The following SCN8A variants were observed in gnomAD, a reference collection of about 807,000 sequenced individuals.
The protein encoded by SCN8A is sodium channel protein type 8 subunit alpha.
A neutral mutation model predicts 184.1 loss-of-function variants in SCN8A; 30 were observed. The ratio of observed to expected loss-of-function variants is 0.16; its 90% CI spans 0.12 to 0.22. The LOEUF is 0.22. Among genes scored for constraint, SCN8A ranks in the 10% least tolerant of loss-of-function variants. The pLI is 1.00. For missense variants in SCN8A, 1,057 were observed against 2,498.9 expected, an observed-to-expected ratio of 0.42 and a Z score of 12.30; for synonymous variants, 852 against 907.0, an observed-to-expected ratio of 0.94 and a Z score of 1.09.
chr12:51,742,432 C>T (rs530693359), intron 12 of SCN8A, among the ~76,000 whole-genome samples: 146 of 152,216 alleles, frequency 9.6e-4, no homozygotes, highest in Non-Finnish European at 1.5e-3. Flanking sequence ...CTTTATTTCT[C>T]CTTCATGCTT....
intron 1 of SCN8A, among the ~76,000 whole-genome samples, chr12:51,610,515 C>T (rs1317267234): frequency 6.6e-6 from 1 of 152,072 alleles, no homozygotes; most frequent in Non-Finnish European, 1.5e-5. Context: ...TAAAGTGGTT[C>T]TCTTTTAATG....
At chr12:51,715,215 T>A (rs1382220871) in intron 11 of SCN8A, among the ~76,000 whole-genome samples, 2 of 152,128 alleles carry the variant, frequency 1.3e-5, no homozygotes, top group Non-Finnish European at 2.9e-5. Context: ...ATAGAACAGT[T>A]TTTCCTCATA....
chr12:51,716,783 G>C (rs1360221053), intron 11 of SCN8A, among the ~76,000 whole-genome samples: 3 of 152,180 alleles, frequency 2.0e-5, no homozygotes, highest in Non-Finnish European at 4.4e-5. Context: ...ACCTGGGCTT[G>C]TACGCTGAAC....
intron 26 of SCN8A, among the ~76,000 whole-genome samples, chr12:51,795,576 A>C (rs1195554610): frequency 6.6e-6 from 1 of 152,202 alleles, no homozygotes; most frequent in Admixed American, 6.5e-5. Flanking sequence ...GCCACCCTCT[A>C]GTTCTGTCCT....
chr12:51,745,228 C>T (rs1942490985), intron 12 of SCN8A, among the ~76,000 whole-genome samples: 1 of 152,102 alleles, frequency 6.6e-6, no homozygotes, highest in African/African-American at 2.4e-5. Flanking sequence ...TTGAACATTG[C>T]AGGTTAACTC....
chr12:51,755,225 G>T (rs551794363), intron 14 of SCN8A, among the ~76,000 whole-genome samples: 11 of 152,154 alleles, frequency 7.2e-5, no homozygotes, highest in Non-Finnish European at 1.3e-4. Flanking sequence ...CATTTGAAAC[G>T]ATTTAAATTT....
At chr12:51,623,588 A>G (rs1273290038) in intron 1 of SCN8A, among the ~76,000 whole-genome samples, 1 of 152,328 alleles carries the variant, frequency 6.6e-6, no homozygotes, top group African/African-American at 2.4e-5. Context: ...TCATTAGCCT[A>G]TAGTTGTCAG....
chr12:51,761,880 C>T (rs1173683127), intron 14 of SCN8A, among the ~76,000 whole-genome samples: 1 of 151,232 alleles, frequency 6.6e-6, no homozygotes, highest in Non-Finnish European at 1.5e-5. Flanking sequence ...AAAATCAGAC[C>T]CAAGATATTA....
At chr12:51,717,023 C>T (rs1017964204) in intron 11 of SCN8A, among the ~76,000 whole-genome samples, 2 of 152,212 alleles carry the variant, frequency 1.3e-5, no homozygotes, top group Non-Finnish European at 2.9e-5. Flanking sequence ...CTCAGACTTA[C>T]CTATCCTGCC....
At chr12:51,777,600 A>C (rs549263626) in intron 20 of SCN8A, among the ~76,000 whole-genome samples, 4 of 152,344 alleles carry the variant, frequency 2.6e-5, no homozygotes, top group Middle Eastern at 6.8e-3. Context: ...AGAATAACCC[A>C]GATAAGACCC....
At chr12:51,742,927 T>G (rs1260171337) in intron 12 of SCN8A, among the ~76,000 whole-genome samples, 1 of 152,200 alleles carries the variant, frequency 6.6e-6, no homozygotes, top group African/African-American at 2.4e-5. Flanking sequence ...CCTCTGAGTA[T>G]TTTCAAATAG....
At chr12:51,701,228 T>C (rs1371912891) in intron 8 of SCN8A, 21 bp downstream of exon 8, 2 of 1,521,606 alleles carry the variant, frequency 1.3e-6, no homozygotes, top group Middle Eastern at 1.7e-4. Flanking sequence ...CACCTAGTTT[T>C]ATTCTCTTTC....
chr12:51,674,375 C>G (rs758311691), intron 2 of SCN8A, among the ~76,000 whole-genome samples: 1 of 152,068 alleles, frequency 6.6e-6, no homozygotes, highest in Non-Finnish European at 1.5e-5. Flanking sequence ...TTCTGTCACC[C>G]AGGCTGGAGT....
At chr12:51,720,971 G>T (rs1182789057) in intron 11 of SCN8A, among the ~76,000 whole-genome samples, 2 of 150,860 alleles carry the variant, frequency 1.3e-5, no homozygotes, top group Non-Finnish European at 3.0e-5. Context: ...GGAGGCTGAG[G>T]CAGGAGAAGC....
chr12:51,686,257 A>G, intron 3 of SCN8A, 111 bp from the exon 4 acceptor site: 1 of 704,504 alleles, frequency 1.4e-6, no homozygotes, highest in East Asian at 2.7e-5. Flanking sequence ...TCTGTGCTTC[A>G]TCTCCTTTCA....
chr12:51,634,156 G>A (rs775703835), intron 1 of SCN8A, among the ~76,000 whole-genome samples: 12 of 152,154 alleles, frequency 7.9e-5, no homozygotes, highest in Non-Finnish European at 1.6e-4. Flanking sequence ...AGAAATAAAT[G>A]TCAAACATAA....
chr12:51,696,135 A>G lies in SCN8A; in HGVS notation c.707-3435A>G, dbSNP rs567908240. 1.9e-3 allele frequency among the ~76,000 whole-genome samples: 283 copies of G among 152,330 alleles called. No homozygotes were observed. In the Middle Eastern group the frequency reaches 0.024, roughly 13 times the overall value. ...TTACAGCTCATTTCTCAATTCAGTAAAATAGCAATGGTAAAGTCCTTTAAC... is the reference window on the plus strand; with the variant it reads ...TTACAGCTCATTTCTCAATTCAGTAGAATAGCAATGGTAAAGTCCTTTAAC... On this transcript the variant is annotated intron_variant, in intron 6 of 26. Coordinates refer to ENST00000627620, the MANE Select transcript of SCN8A (RefSeq NM_001330260.2).
At chr12:51,799,426 C>G (rs1938495919) in intron 26 of SCN8A, among the ~76,000 whole-genome samples, 1 of 152,146 alleles carries the variant, frequency 6.6e-6, no homozygotes, top group Non-Finnish European at 1.5e-5. Context: ...CCACCAAAGC[C>G]CAGTAACAGG....
chr12:51,608,166 G>A (rs1453513839), intron 1 of SCN8A, among the ~76,000 whole-genome samples: 3 of 151,718 alleles, frequency 2.0e-5, no homozygotes, highest in African/African-American at 4.8e-5. Context: ...GGCTACAGGC[G>A]CCCACCACCG....
Sources: allele counts gnomAD v4.1 joint callset (sites outside exome capture counted in the v4.1 genomes callset), GRCh38; gene constraint gnomAD v4.1.1; transcripts MANE v1.5; gene names NCBI Gene and HGNC (gene_info 2026-07-23, HGNC 2026-07-21).